GSN: variants seen among roughly 807,000 people sequenced by gnomAD.
The protein encoded by GSN is actin-depolymerizing factor.
GSN carries 56 observed loss-of-function variants against 85.7 expected under a neutral mutation model. That is an observed-to-expected ratio of 0.65 (90% confidence interval 0.53 to 0.82). The LOEUF is 0.82. GSN is among the 40% of genes least tolerant of loss of function. The probability of loss-of-function intolerance (pLI) is 0.00; values close to 1 mark genes in which losing one functional copy is unlikely to be tolerated. For synonymous variants in GSN, 373 were observed against 399.1 expected, an observed-to-expected ratio of 0.93 and a Z score of 0.78; for missense variants, 857 against 979.8, an observed-to-expected ratio of 0.87 and a Z score of 1.67.
intron 14 of GSN, among the ~76,000 whole-genome samples, chr9:121,328,127 C>T (rs948025755): frequency 1.3e-5 from 2 of 152,190 alleles, no homozygotes; most frequent in African/African-American, 4.8e-5. Flanking sequence ...TCTCTAGACT[C>T]TCCATGGACA....
chr9:121,320,474 G>A (rs1245889481), intron 10 of GSN, among the ~76,000 whole-genome samples: 3 of 152,014 alleles, frequency 2.0e-5, no homozygotes, highest in Non-Finnish European at 2.9e-5. Flanking sequence ...GTGAAACCCC[G>A]TCTCTACTAA....
Position 121,310,760 on chromosome 9 carries a change from G to A in GSN, c.428G>A (p.Gly143Glu), listed in dbSNP as rs2061024356. ...VVVQRLFQVK[G>E]RRVVRATEVP... ...GTGCAGAGACTCTTCCAGGTCAAAG[G>A]GCGGCGTGTGGTCCGTGCCACCGAG... is the stretch of plus-strand genomic sequence containing the variant. The change falls in exon 5 of 18, where the codon GGG (glycine) becomes GAG (glutamate). Residue 143 changes from glycine to glutamate, a missense_variant. Physicochemically the swap from Gly to Glu is moderately conservative, Grantham distance 98. Coordinates refer to ENST00000432226, the MANE Select transcript of GSN (RefSeq NM_198252.3). 2 of 1,614,104 alleles carry A rather than the reference G, an allele frequency of 1.2e-6. No individual in the cohort carries two copies. The highest frequency in any genetic ancestry group is 1.7e-6 in the Non-Finnish European group (2 of 1,180,000).
At position 121,332,691 on chromosome 9, in the gene GSN, C is replaced by A; in HGVS notation, c.*88C>A. 2.1e-6 allele frequency: 2 copies of A among 965,906 alleles called. No individual in the cohort carries two copies. Among genetic ancestry groups the A allele is most frequent in the East Asian group, 2.6e-5 (1 of 38,552 alleles). The allele number at this position is 965,906 out of a possible 1,614,324, so 59.8% of individuals were successfully genotyped here. The stretch of plus-strand genomic sequence containing the variant: ...AGGCCTTAGAGCGAGCAGAGCAGCT[C>A]TGCTATGAGTGTGTGTGTGTGTGTG... On this transcript the variant is annotated 3_prime_UTR_variant, in exon 18 of 18. Coordinates refer to ENST00000432226, the MANE Select transcript of GSN (RefSeq NM_198252.3). The surrounding 1 kb of genome is among the most constrained non-coding windows in gnomAD (Gnocchi z 4.8).
chr9:121,202,542 A>G, the GSN span, among the ~76,000 whole-genome samples: 1 of 152,106 alleles, frequency 6.6e-6, no homozygotes, highest in Admixed American at 6.5e-5. Flanking sequence ...ATTTTTCACA[A>G]TTTGTCTACC....
At chr9:121,210,221 C>T (rs2053947415) in intron 2 of GSN, 1 of 152,204 alleles carries the variant, frequency 6.6e-6, no homozygotes, top group Admixed American at 6.5e-5. Flanking sequence ...CTGTTCCACA[C>T]CATCTTCACT....
In GSN at chr9:121,318,607, C is replaced by T; in HGVS notation, c.976-58C>T. 2.7e-6 allele frequency: 4 copies of T among 1,502,316 alleles called. No individual in the cohort carries two copies. Among genetic ancestry groups the T allele is most frequent in the Non-Finnish European group, 3.7e-6 (4 of 1,079,390 alleles). 93.1% of individuals were successfully genotyped at this position (1,502,316 alleles called of 1,614,324 possible). ...TGTGGATGGGGTATCTGAGGCTCCCCTGGGGACCCCTGCTGGGCAGCCCAG... is the reference window on the plus strand; with the variant it reads ...TGTGGATGGGGTATCTGAGGCTCCCTTGGGGACCCCTGCTGGGCAGCCCAG... On this transcript the variant is annotated intron_variant, in intron 9 of 17. Transcript: ENST00000432226. This position sits in a 1 kb window ranked among gnomAD's most constrained non-coding sequence, Gnocchi z 4.3.
intron 5 of GSN, among the ~76,000 whole-genome samples, chr9:121,241,991 G>A (rs959144982): frequency 6.6e-6 from 1 of 152,320 alleles, no homozygotes; most frequent in East Asian, 1.9e-4. Context: ...GGTTCAAAAT[G>A]TAGTGCCAGC....
intron 4 of GSN, chr9:121,310,332 G>A (rs931507262): frequency 1.3e-4 from 44 of 342,336 alleles, no homozygotes; most frequent in Admixed American, 6.9e-4. Flanking sequence ...TTTTGAGGAA[G>A]GAATTGTTGC....
chr9:121,322,395 A>G (rs890764112), intron 11 of GSN, among the ~76,000 whole-genome samples: 1 of 152,218 alleles, frequency 6.6e-6, no homozygotes, highest in Non-Finnish European at 1.5e-5. Flanking sequence ...TTACAGTTGC[A>G]TAATAGTCCT....
chr9:121,324,903 T>C (rs1239413033), intron 12 of GSN, among the ~76,000 whole-genome samples: 1 of 152,138 alleles, frequency 6.6e-6, no homozygotes, highest in African/African-American at 2.4e-5. Flanking sequence ...TCTTGGGTGG[T>C]AGTAGACATT....
At chr9:121,304,841 GGGT>G (rs2060239056) in intron 4 of GSN, among the ~76,000 whole-genome samples, 1 of 152,136 alleles carries the variant, frequency 6.6e-6, no homozygotes, top group South Asian at 2.1e-4. Context: ...ATGGGTGCTG[GGGT>G]GCCCAAGTGA....
intron 4 of GSN, among the ~76,000 whole-genome samples, chr9:121,226,528 A>G (rs2054274781): frequency 1.3e-5 from 2 of 152,156 alleles, no homozygotes; most frequent in Non-Finnish European, 2.9e-5. Context: ...AGACCTGGTA[A>G]GGTCTGAACA....
rs1554822114 is a variant in GSN, at chr9:121,323,389, T to TTTTTTA, written c.1326-1165_1326-1164insTTTTTA. Reference sequence around the variant, plus strand: ...CATTACCGTTTTTTTTTTTTTTTTTTAGACAGAGTCTTGCTCTGTCGCCAG... The same window carrying TTTTTTA: ...CATTACCGTTTTTTTTTTTTTTTTTTTTTTTAAGACAGAGTCTTGCTCTGTCGCCAG... On this transcript the variant is annotated intron_variant, in intron 11 of 17. Coordinates refer to ENST00000432226, the MANE Select transcript of GSN (RefSeq NM_198252.3). Among the ~76,000 whole-genome samples the TTTTTTA allele has an allele frequency of 4.1e-3, 616 of 149,962 alleles. 14 individuals are homozygous for TTTTTTA. The highest frequency in any genetic ancestry group is 7.4e-3 in the Non-Finnish European group (500 of 67,406).
intron 5 of GSN, among the ~76,000 whole-genome samples, chr9:121,243,779 G>A (rs1289102499): frequency 1.3e-5 from 2 of 152,096 alleles, no homozygotes; most frequent in Non-Finnish European, 2.9e-5. Flanking sequence ...GGTTTCACCA[G>A]GTTGGCCGGG....
chr9:121,285,498 G>A (rs776535898), intron 2 of GSN: 1 of 167,750 alleles, frequency 6.0e-6, no homozygotes, highest in Admixed American at 6.5e-5. Context: ...GGTACAGCAT[G>A]GCCAGGTGGC....
chr9:121,309,056 A>T (rs1223433319), intron 4 of GSN: 1 of 152,128 alleles, frequency 6.6e-6, no homozygotes, highest in African/African-American at 2.4e-5. Context: ...GTGTCTCCGG[A>T]GCAGGGAGAC....
At chr9:121,326,204 T>G (rs1427277113) in intron 12 of GSN, among the ~76,000 whole-genome samples, 1 of 151,328 alleles carries the variant, frequency 6.6e-6, no homozygotes, top group Non-Finnish European at 1.5e-5. Flanking sequence ...TCCCTGTGCT[T>G]CTATTTAAGG....
intron 4 of GSN, among the ~76,000 whole-genome samples, chr9:121,214,428 TG>T (rs2054022598): frequency 6.6e-6 from 1 of 152,126 alleles, no homozygotes; most frequent in Non-Finnish European, 1.5e-5. Flanking sequence ...GTCTATAAAG[TG>T]GAGAATTTTC....
intron 1 of GSN, among the ~76,000 whole-genome samples, chr9:121,277,663 T>C (rs1037308731): frequency 6.6e-6 from 1 of 152,064 alleles, no homozygotes; most frequent in African/African-American, 2.4e-5. Flanking sequence ...TAAAATACTT[T>C]GCTGCTTAAT....
Sources: gnomAD v4.1 joint callset for allele counts (sites outside exome capture counted in the v4.1 genomes callset) on GRCh38, gnomAD v4.1.1 for gene constraint, Gnocchi (gnomAD v3.1) non-coding constraint, MANE v1.5 for transcripts, NCBI Gene and HGNC (gene_info 2026-07-23, HGNC 2026-07-21) for gene names.